The following AOX1 variants were observed in gnomAD, a reference collection of about 807,000 sequenced individuals.
AOX1 encodes aldehyde oxidase 1.
A neutral mutation model predicts 169.5 loss-of-function variants in AOX1; 153 were observed. The observed-to-expected ratio is 0.90, with a 90% CI of 0.79 to 1.03. The LOEUF is 1.03. Among genes scored for constraint, AOX1 ranks in the 50% least tolerant of loss-of-function variants. AOX1 has a pLI of 0.00. For missense variants in AOX1, 1,656 were observed against 1,663.9 expected, an observed-to-expected ratio of 1.00 and a Z score of 0.08; for synonymous variants, 562 against 581.9, an observed-to-expected ratio of 0.97 and a Z score of 0.49.
chr2:200,669,305 T>A (rs2035982964), intron 33 of AOX1, among the ~76,000 whole-genome samples: 1 of 151,962 alleles, frequency 6.6e-6, no homozygotes, highest in Non-Finnish European at 1.5e-5. Context: ...AATAGCCAGG[T>A]GTGGCGGTGC....
Position 200,670,729 on chromosome 2 carries a change from A to G in AOX1, c.*50A>G, listed in dbSNP as rs535926535. On this transcript the variant is annotated 3_prime_UTR_variant, in exon 35 of 35. Transcript: ENST00000374700. ...ACAGAGTGCCTCTTCCCAGATGGCA[A>G]TCTGTCCTATCTCTGTGCTGGAAGA... The G allele has an allele frequency of 2.1e-6, 3 of 1,409,562 alleles. No homozygotes were observed. The highest frequency in any genetic ancestry group is 3.0e-6 in the Non-Finnish European group (3 of 997,042). The allele number at this position is 1,409,562 out of a possible 1,614,324, so 87.3% of individuals were successfully genotyped here. A position where few individuals can be genotyped will look rare whatever the true frequency, so the allele number is the denominator to read the frequency against.
intron 3 of AOX1, among the ~76,000 whole-genome samples, chr2:200,595,624 T>C (rs1160058994): frequency 2.6e-5 from 4 of 152,046 alleles, no homozygotes; most frequent in Non-Finnish European, 5.9e-5. Flanking sequence ...TTCTAGCTAC[T>C]TGGGAGGCTG....
chr2:200,607,475 TGG>T (rs2034539225), intron 10 of AOX1, among the ~76,000 whole-genome samples: 1 of 152,188 alleles, frequency 6.6e-6, no homozygotes, highest in East Asian at 1.9e-4. Context: ...CAATAAATGC[TGG>T]CAAGGCTGTG....
intron 5 of AOX1, among the ~76,000 whole-genome samples, chr2:200,601,871 T>TG (rs1172770249): frequency 1.3e-5 from 2 of 151,924 alleles, no homozygotes; most frequent in Non-Finnish European, 2.9e-5. Flanking sequence ...AGGTGGAAGT[T>TG]GCAATGAGCT....
chr2:200,623,040 C>G (rs7563294), intron 18 of AOX1, among the ~76,000 whole-genome samples: 3 of 151,720 alleles, frequency 2.0e-5, no homozygotes, highest in South Asian at 2.1e-4. Context: ...GCCTTTTTTT[C>G]GATGATAAAA....
rs1344499179 is a variant in AOX1 at position 200,669,875 on chromosome 2, C to T, written c.3966+133C>T. The T allele has an allele frequency of 4.2e-6, 4 of 942,476 alleles. No homozygotes were observed. In the African/African-American group the frequency reaches 5.0e-5, roughly 12 times the overall value. 58.4% of individuals were successfully genotyped at this position (942,476 alleles called of 1,614,324 possible). ...GAAAAGGTGACGGGAAACCTGGGGG[C>T]ATTTGAGCAGATGTGCAGAGGGGTC... On this transcript the variant is annotated intron_variant, in intron 34 of 34. Coordinates refer to ENST00000374700, the MANE Select transcript of AOX1 (RefSeq NM_001159.4).
At chr2:200,654,545 G>T (rs1485404274) in intron 26 of AOX1, among the ~76,000 whole-genome samples, 1 of 152,196 alleles carries the variant, frequency 6.6e-6, no homozygotes, top group African/African-American at 2.4e-5. Context: ...CAATATCAGT[G>T]TACTTACTTC....
Position 200,643,461 on chromosome 2 carries a change from G to A in AOX1, c.2847+660G>A, listed in dbSNP as rs561179052. Among the ~76,000 whole-genome samples the A allele has an allele frequency of 1.7e-3, 260 of 151,914 alleles. 2 individuals carry two copies. Among genetic ancestry groups the A allele is most frequent in the African/African-American group, 5.8e-3 (240 of 41,414 alleles). ...AGTTTCTTTATCCACTCATTGATTGGTGGGCATTTGGGTTGGTTCCAAGAT... is the reference window on the plus strand; with the variant it reads ...AGTTTCTTTATCCACTCATTGATTGATGGGCATTTGGGTTGGTTCCAAGAT... On this transcript the variant is annotated intron_variant, in intron 25 of 34. Coordinates refer to ENST00000374700, the MANE Select transcript of AOX1 (RefSeq NM_001159.4).
rs149867400 is a variant in AOX1 at position 200,612,442 on chromosome 2, G to A, written c.1264-167G>A. On this transcript the variant is annotated intron_variant, in intron 13 of 34. Transcript: ENST00000374700. ...ATGTGATACTCAACATACACATACC[G>A]TCCAGCACGTAGGTGATGCTCAACA... 7.5e-3 allele frequency among the ~76,000 whole-genome samples: 1,149 copies of A among 152,276 alleles called. 13 individuals are homozygous for A. Among genetic ancestry groups the A allele is most frequent in the African/African-American group, 0.026 (1,087 of 41,552 alleles).
chr2:200,612,170 C>T (rs565461462), intron 13 of AOX1, among the ~76,000 whole-genome samples: 1 of 152,236 alleles, frequency 6.6e-6, no homozygotes, highest in East Asian at 1.9e-4. Context: ...TGCAATAGAA[C>T]TTATTGGAAA....
intron 2 of AOX1, 89 bp from the exon 3 acceptor site, chr2:200,595,183 A>G: frequency 1.2e-6 from 1 of 817,000 alleles, no homozygotes; most frequent in Non-Finnish European, 2.0e-6. Context: ...AACATTTAAG[A>G]GTCTGTGATA....
At chr2:200,669,244 G>T (rs773902119) in intron 33 of AOX1, among the ~76,000 whole-genome samples, 14 of 152,192 alleles carry the variant, frequency 9.2e-5, no homozygotes, top group Non-Finnish European at 1.9e-4. Context: ...AAGAGTTCGA[G>T]ACCAGCCTGG....
At chr2:200,602,515 T>A (rs2034439462) in intron 6 of AOX1, among the ~76,000 whole-genome samples, 170 bp downstream of exon 6, 1 of 152,164 alleles carries the variant, frequency 6.6e-6, no homozygotes, top group Non-Finnish European at 1.5e-5. Flanking sequence ...TTAACCTCAT[T>A]CATTGAGCTT....
At chr2:200,648,029 G>A (rs2035497103) in intron 25 of AOX1, among the ~76,000 whole-genome samples, 1 of 152,006 alleles carries the variant, frequency 6.6e-6, no homozygotes, top group Admixed American at 6.6e-5. Context: ...ATTGGGCTTT[G>A]CCTTTCTCTT....
At chr2:200,611,520 C>T (rs756768764) in intron 13 of AOX1, 27 bp downstream of exon 13, 35 of 1,411,352 alleles carry the variant, frequency 2.5e-5, no homozygotes, top group Non-Finnish European at 3.5e-5. Context: ...GTCAATTTCC[C>T]AGTTGCACCT....
intron 27 of AOX1, among the ~76,000 whole-genome samples, chr2:200,657,217 C>T (rs1170350744): frequency 9.4e-6 from 1 of 106,036 alleles, no homozygotes; most frequent in Non-Finnish European, 1.8e-5. Context: ...ATTAGCAGGG[C>T]ATGGTGGCAT....
chr2:200,597,849 C>A (rs2034318757), intron 4 of AOX1, among the ~76,000 whole-genome samples: 1 of 152,226 alleles, frequency 6.6e-6, no homozygotes, highest in Non-Finnish European at 1.5e-5. Flanking sequence ...TGGCTAACAC[C>A]TGTAATCCCA....
intron 3 of AOX1, among the ~76,000 whole-genome samples, chr2:200,595,620 C>A (rs2034267210): frequency 1.3e-5 from 2 of 152,144 alleles, no homozygotes; most frequent in South Asian, 2.1e-4. Flanking sequence ...ACATTTCTAG[C>A]TACTTGGGAG....
downstream of AOX1, among the ~76,000 whole-genome samples, chr2:200,681,952 T>C (rs1276800812): frequency 6.6e-6 from 1 of 152,014 alleles, no homozygotes; most frequent in Non-Finnish European, 1.5e-5. Flanking sequence ...TTTGCTATGG[T>C]TGTTGCTGCA....
Sources: allele counts gnomAD v4.1 joint callset (sites outside exome capture counted in the v4.1 genomes callset), GRCh38; gene constraint gnomAD v4.1.1; transcripts MANE v1.5; gene names NCBI Gene and HGNC (gene_info 2026-07-23, HGNC 2026-07-21).